RPN2: variants seen among roughly 807,000 people sequenced by gnomAD.
RPN2 encodes the protein dolichyl-diphosphooligosaccharide--protein glycosyltransferase subunit 2.
RPN2 carries 29 observed loss-of-function variants against 71.4 expected under a neutral mutation model. That is an observed-to-expected ratio of 0.41 (90% confidence interval 0.30 to 0.55). The LOEUF (loss-of-function observed/expected upper bound fraction) is 0.55. Among genes scored for constraint, RPN2 ranks in the 20% least tolerant of loss-of-function variants. The pLI, the probability that RPN2 is intolerant of heterozygous loss-of-function variation, is 0.35. For missense variants in RPN2, 726 were observed against 774.1 expected (o/e 0.94, Z 0.74); for synonymous variants, 308 against 305.0 (o/e 1.01, Z -0.10).
In RPN2 at chr20:37,234,969, C is replaced by T. The variant is rs570769403; in HGVS notation, c.1753+874C>T. ...TGCTAGGATTATAGGTGTGAGCCAC[C>T]ACGCCTGGCCTGACCTTAATATTTT... On this transcript the variant is annotated intron_variant, in intron 15 of 16. Coordinates refer to ENST00000237530, the MANE Select transcript of RPN2 (RefSeq NM_002951.5). Among the ~76,000 whole-genome samples the T allele has an allele frequency of 5.3e-5, 8 of 152,302 alleles. No individual in the cohort carries two copies. The East Asian group carries it at 9.6e-4, about 18-fold the overall frequency.
At chr20:37,207,163 C>T (rs567045017) in intron 6 of RPN2, 110 bp from the exon 7 acceptor site, 19 of 830,638 alleles carry the variant, frequency 2.3e-5, no homozygotes, top group Non-Finnish European at 3.3e-5. Context: ...GACCAAAAGA[C>T]CTCCCATGTG....
intron 1 of RPN2, 192 bp downstream of exon 1, chr20:37,179,561 G>T: frequency 7.3e-7 from 1 of 1,372,720 alleles, no homozygotes; most frequent in Non-Finnish European, 9.5e-7. Flanking sequence ...CCGCGACCTG[G>T]CGGGGTTGGT....
At chr20:37,228,859 A>G (rs531421691) in intron 12 of RPN2, 115 bp downstream of exon 12, 3 of 967,676 alleles carry the variant, frequency 3.1e-6, no homozygotes. Flanking sequence ...CCTCCTATAA[A>G]TAAGCTTGGG....
rs932798007 is a variant in RPN2, at chr20:37,190,341, C to A, written c.207+5968C>A. Among the ~76,000 whole-genome samples, 58 of 152,308 alleles carry A rather than the reference C, an allele frequency of 3.8e-4. 1 individual carries two copies. Among genetic ancestry groups the A allele is most frequent in the African/African-American group, 1.3e-3 (56 of 41,564 alleles). ...CATGCAGTGTGACTTGGGATAATTACATGATTGGGCTGGCTGTGGCTTTAT... is the reference window on the plus strand; with the variant it reads ...CATGCAGTGTGACTTGGGATAATTAAATGATTGGGCTGGCTGTGGCTTTAT... On this transcript the variant is annotated intron_variant, in intron 2 of 16. Transcript: ENST00000237530.
intron 10 of RPN2, among the ~76,000 whole-genome samples, 174 bp downstream of exon 10, chr20:37,224,143 T>C (rs1449079945): frequency 6.6e-6 from 1 of 152,234 alleles, no homozygotes; most frequent in Admixed American, 6.5e-5. Flanking sequence ...CTGCGAATTA[T>C]CTAAGTGGAT....
Position 37,223,932 on chromosome 20 carries a change from G to C in RPN2, c.1147G>C (p.Val383Leu). ...CATCACAAATGTTGATCTTTCCACC[G>C]TGGATAAGGATCAGAGCATTGCACC... is the stretch of plus-strand genomic sequence containing the variant. ...VGITNVDLST[V>L]DKDQSIAPKT... is the part of the protein sequence containing the mutation. Residue 383 changes from valine (V) to leucine (L), a missense_variant, in exon 10 of 17, where the codon GTG becomes CTG. Transcript: ENST00000237530. 1 of 1,614,084 alleles carries C rather than the reference G, an allele frequency of 6.2e-7. No homozygotes were observed.
chr20:37,206,864 A>G (rs1281407598), intron 6 of RPN2, among the ~76,000 whole-genome samples: 1 of 152,044 alleles, frequency 6.6e-6, no homozygotes, highest in African/African-American at 2.4e-5. Flanking sequence ...GCATGCCACC[A>G]TGCCTGACTA....
chr20:37,196,747 C>T (rs1055055810), intron 2 of RPN2, among the ~76,000 whole-genome samples: 24 of 152,134 alleles, frequency 1.6e-4, no homozygotes, highest in African/African-American at 5.1e-4. Context: ...TTACTTCAGC[C>T]AAAATATTGG....
intron 1 of RPN2, among the ~76,000 whole-genome samples, chr20:37,180,483 T>TA (rs745788930): frequency 9.2e-5 from 14 of 152,226 alleles, no homozygotes; most frequent in Non-Finnish European, 1.5e-4. Flanking sequence ...TCAGAAAAGT[T>TA]ACTGCTCTCG....
intron 2 of RPN2, among the ~76,000 whole-genome samples, chr20:37,197,091 G>A (rs902617394): frequency 5.3e-5 from 8 of 152,150 alleles, no homozygotes; most frequent in Admixed American, 2.0e-4. Flanking sequence ...GGTCAAACAC[G>A]TCAAATGGCG....
chr20:37,186,626 T>C (rs2146519250), intron 2 of RPN2, among the ~76,000 whole-genome samples: 1 of 152,348 alleles, frequency 6.6e-6, no homozygotes, highest in East Asian at 1.9e-4. Context: ...AGTAATTCTT[T>C]AATGTCATTT....
chr20:37,232,505 G>A, intron 14 of RPN2, 114 bp downstream of exon 14: 1 of 1,285,908 alleles, frequency 7.8e-7, no homozygotes, highest in Non-Finnish European at 1.1e-6. Flanking sequence ...GAGGGGTCCA[G>A]CAGCTGTGAC....
chr20:37,236,840 C>T, intron 16 of RPN2, 131 bp downstream of exon 16: 2 of 891,398 alleles, frequency 2.2e-6, no homozygotes, highest in South Asian at 1.4e-5. Flanking sequence ...CTAATCTAGC[C>T]CAGTACAGAA....
In RPN2 at chr20:37,203,933, C is replaced by G. The variant is rs777252823; in HGVS notation, c.528C>G (p.Asp176Glu). ...CATCCCACCTGTCCCAGCAGGCTGACCTGAGGAGCATCGTGGAGGAGATTG... is the reference window on the plus strand; with the variant it reads ...CATCCCACCTGTCCCAGCAGGCTGAGCTGAGGAGCATCGTGGAGGAGATTG... Reference protein sequence around the residue: ...QTASHLSQQADLRSIVEEIED... With the variant: ...QTASHLSQQAELRSIVEEIED... Residue 176 changes from aspartate (D) to glutamate (E), a missense_variant, in exon 5 of 17, where the codon GAC becomes GAG. Transcript: ENST00000237530. The G allele has an allele frequency of 1.2e-6, 2 of 1,613,926 alleles. No individual in the cohort carries two copies. Among genetic ancestry groups the G allele is most frequent in the East Asian group, 2.2e-5 (1 of 44,896 alleles).
At position 37,236,610 on chromosome 20, in the gene RPN2, C is replaced by T; in HGVS notation, c.1784C>T (p.Thr595Ile). Residue 595 changes from threonine to isoleucine, a missense_variant, in exon 16 of 17, where the codon ACT (threonine) becomes ATT (isoleucine). Transcript: ENST00000237530. Reference sequence around the variant, plus strand: ...CTGGGACTCATGTATGTCTACTGGACTCAGCTCAACATGTTCCAGACCTTG... The same window carrying T: ...CTGGGACTCATGTATGTCTACTGGATTCAGCTCAACATGTTCCAGACCTTG... ...AMLGLMYVYW[T>I]QLNMFQTLKY... 3 of 1,614,112 alleles carry T rather than the reference C, an allele frequency of 1.9e-6. No homozygotes were observed. Among genetic ancestry groups the T allele is most frequent in the Non-Finnish European group, 1.7e-6 (2 of 1,179,942 alleles).
rs541585841 is a variant in RPN2, at chr20:37,198,939, T to C, written c.304-111T>C. On this transcript the variant is annotated intron_variant, in intron 3 of 16. Coordinates refer to ENST00000237530, the MANE Select transcript of RPN2 (RefSeq NM_002951.5). ...TCTGGGGATTAGAGGGGGATGAGCA[T>C]GTGCGAGGCGGAGGTGACTTTGGCA... 91 of 862,078 alleles carry C rather than the reference T, an allele frequency of 1.1e-4. No homozygotes were observed. In the South Asian group the frequency reaches 1.1e-3, roughly 11 times the overall value. The allele number at this position is 862,078 out of a possible 1,614,324, so 53.4% of individuals were successfully genotyped here. A position where few individuals can be genotyped will look rare whatever the true frequency, so the allele number is the denominator to read the frequency against.
rs145296855 is a variant in RPN2 at position 37,209,879 on chromosome 20, A to G, written c.868-168A>G. 9.8e-5 allele frequency among the ~76,000 whole-genome samples: 15 copies of G among 152,300 alleles called. No individual in the cohort carries two copies. The East Asian group carries it at 2.3e-3, about 24-fold the overall frequency. On this transcript the variant is annotated intron_variant, in intron 7 of 16. Coordinates refer to ENST00000237530, the MANE Select transcript of RPN2 (RefSeq NM_002951.5). ...CCAGGTGTGGTGACTCATGCCTGTA[A>G]TAATTCACTTTAGGATTAGGCAGCA...
chr20:37,234,144 C>T (rs1488821489), intron 15 of RPN2, 49 bp downstream of exon 15: 1 of 1,582,958 alleles, frequency 6.3e-7, no homozygotes, highest in South Asian at 1.1e-5. Flanking sequence ...TGACATTTAG[C>T]CTGCCCACGC....
rs1249219091 is a variant in RPN2, at chr20:37,187,277, C to T, written c.207+2904C>T. ...CAGCACTTTGGGAGGCCGAGGCGGG[C>T]GGATCACGAGGTCAGGAGATCGAGA... On this transcript the variant is annotated intron_variant, in intron 2 of 16. Coordinates refer to ENST00000237530, the MANE Select transcript of RPN2 (RefSeq NM_002951.5). Among the ~76,000 whole-genome samples the T allele has an allele frequency of 2.1e-4, 2 of 9,348 alleles. 1 individual carries two copies. Among genetic ancestry groups the T allele is most frequent in the African/African-American group, 8.1e-4 (2 of 2,468 alleles). 6.1% of individuals were successfully genotyped at this position (9,348 alleles called of 152,430 possible).
Sources: allele counts gnomAD v4.1 joint callset (sites outside exome capture counted in the v4.1 genomes callset), GRCh38; gene constraint gnomAD v4.1.1; transcripts MANE v1.5; gene names NCBI Gene and HGNC (gene_info 2026-07-23, HGNC 2026-07-21).